Variants in FAM47E observed in about 807,000 individuals in gnomAD.
The protein encoded by FAM47E is protein FAM47E.
A neutral mutation model predicts 41.6 loss-of-function variants in FAM47E; 32 were observed. The observed-to-expected ratio is 0.77, with a 90% CI of 0.58 to 1.03. The LOEUF is 1.03. FAM47E is among the 50% of genes least tolerant of loss of function. The pLI is 0.00. For missense variants in FAM47E, 424 were observed against 485.4 expected, an observed-to-expected ratio of 0.87 and a Z score of 1.19; for synonymous variants, 184 against 188.7, an observed-to-expected ratio of 0.98 and a Z score of 0.20.
intron 2 of FAM47E, among the ~76,000 whole-genome samples, chr4:76,228,419 C>T (rs1196473198): frequency 6.6e-6 from 1 of 150,880 alleles, no homozygotes; most frequent in African/African-American, 2.4e-5. Flanking sequence ...GTGAAGGTTA[C>T]AGCAAGCTGA....
At chr4:76,261,438 A>T (rs878891250) in intron 2 of FAM47E, among the ~76,000 whole-genome samples, 4 of 152,190 alleles carry the variant, frequency 2.6e-5, no homozygotes, top group Admixed American at 2.0e-4. Flanking sequence ...TCCATCAATG[A>T]TGGATTGGGT....
At chr4:76,253,915 C>T (rs979353417) in intron 1 of FAM47E, among the ~76,000 whole-genome samples, 1 of 151,784 alleles carries the variant, frequency 6.6e-6, no homozygotes. Context: ...AGTTTGAGAC[C>T]AGCCTGGGCA....
At chr4:76,230,066 A>C (rs976039442) in intron 2 of FAM47E, among the ~76,000 whole-genome samples, 1 of 152,252 alleles carries the variant, frequency 6.6e-6, no homozygotes, top group Non-Finnish European at 1.5e-5. Flanking sequence ...TGGGTTTCTC[A>C]GGTAATGGTC....
At chr4:76,231,732 T>C (rs1405804421) in intron 2 of FAM47E, among the ~76,000 whole-genome samples, 2 of 152,210 alleles carry the variant, frequency 1.3e-5, no homozygotes, top group African/African-American at 4.8e-5. Context: ...GGGTTTATCC[T>C]CAAATACCTG....
intron 1 of FAM47E, chr4:76,214,570 C>T (rs1733163989): frequency 1.5e-5 from 5 of 332,312 alleles, no homozygotes; most frequent in Non-Finnish European, 3.0e-5. Flanking sequence ...TCTTGGTATC[C>T]TGTTAAAGAT....
chr4:76,215,323 G>A (rs1445955076), intron 1 of FAM47E, among the ~76,000 whole-genome samples: 1 of 152,208 alleles, frequency 6.6e-6, no homozygotes, highest in Admixed American at 6.5e-5. Context: ...TGGTTGCTGA[G>A]TGGTGGATCC....
chr4:76,216,727 C>A (rs374204290), intron 1 of FAM47E, among the ~76,000 whole-genome samples: 9 of 152,284 alleles, frequency 5.9e-5, no homozygotes, highest in African/African-American at 2.2e-4. Flanking sequence ...GCCACTTCCC[C>A]TTTAAAACTC....
chr4:76,228,585 C>T (rs1733440849), intron 2 of FAM47E, among the ~76,000 whole-genome samples: 1 of 151,724 alleles, frequency 6.6e-6, no homozygotes, highest in African/African-American at 2.4e-5. Flanking sequence ...CTGAAAAATA[C>T]TTTATCTCTT....
At chr4:76,238,841 C>T (rs1450419424) in intron 2 of FAM47E, among the ~76,000 whole-genome samples, 1 of 152,064 alleles carries the variant, frequency 6.6e-6, no homozygotes, top group Non-Finnish European at 1.5e-5. Flanking sequence ...TATTGTTGTG[C>T]TGCCATCACC....
exon 1 of FAM47E, chr4:76,214,132 G>A: frequency 2.3e-6 from 1 of 436,402 alleles, no homozygotes; most frequent in East Asian, 7.0e-5. Context: ...TAGGTCTGAG[G>A]GCCTCCCATG....
chr4:76,240,124 A>C (rs565209577), intron 2 of FAM47E, among the ~76,000 whole-genome samples: 2 of 152,292 alleles, frequency 1.3e-5, no homozygotes, highest in East Asian at 3.9e-4. Context: ...GTAAGTTTTG[A>C]AACAAAGAAG....
intron 4 of FAM47E, among the ~76,000 whole-genome samples, chr4:76,270,768 C>T (rs13119644): frequency 3.3e-5 from 5 of 151,936 alleles, no homozygotes; most frequent in African/African-American, 1.2e-4. Context: ...TGTCTCATCA[C>T]CCTGTGGGAT....
chr4:76,234,393 A>G (rs1733547322), intron 2 of FAM47E: 1 of 152,364 alleles, frequency 6.6e-6, no homozygotes, highest in Admixed American at 6.5e-5. Context: ...CATGGCCACA[A>G]AAATTCAGGC....
chr4:76,254,233 C>A (rs931519872), intron 1 of FAM47E, among the ~76,000 whole-genome samples: 1 of 151,992 alleles, frequency 6.6e-6, no homozygotes, highest in East Asian at 1.9e-4. Context: ...CTCACTGCCA[C>A]GTACATTCCC....
intron 2 of FAM47E, among the ~76,000 whole-genome samples, chr4:76,239,839 C>G (rs1578760292): frequency 6.6e-6 from 1 of 151,948 alleles, no homozygotes; most frequent in Non-Finnish European, 1.5e-5. Flanking sequence ...CCTATGCTTT[C>G]TCCTATGAGT....
chr4:76,249,982 C>A (rs973350410), upstream of FAM47E, among the ~76,000 whole-genome samples: 2 of 152,094 alleles, frequency 1.3e-5, no homozygotes, highest in Non-Finnish European at 2.9e-5. Flanking sequence ...GGGCTGGTTC[C>A]ATAGTTTTGC....
At chr4:76,223,035 A>G (rs547977348) in intron 2 of FAM47E, among the ~76,000 whole-genome samples, 8 of 152,140 alleles carry the variant, frequency 5.3e-5, no homozygotes, top group Non-Finnish European at 1.2e-4. Context: ...TGATAATTGC[A>G]CACCCCTTCA....
At chr4:76,232,582 G>C (rs11097296) in intron 2 of FAM47E, among the ~76,000 whole-genome samples, 23,004 of 152,086 alleles carry the variant, frequency 0.15, 1,765 homozygotes, top group African/African-American at 0.19. Context: ...TTAGACATTA[G>C]AATTTTAGAA....
intron 2 of FAM47E, among the ~76,000 whole-genome samples, chr4:76,257,474 C>G (rs986470644): frequency 2.0e-5 from 3 of 152,178 alleles, no homozygotes; most frequent in Non-Finnish European, 4.4e-5. Context: ...GTCCCCTTCT[C>G]TCTCAGAGAA....
Sources: gnomAD v4.1 joint callset for allele counts (sites outside exome capture counted in the v4.1 genomes callset) on GRCh38, gnomAD v4.1.1 for gene constraint, MANE v1.5 for transcripts, NCBI Gene and HGNC (gene_info 2026-07-23, HGNC 2026-07-21) for gene names.